FTCD: variants seen among roughly 807,000 people sequenced by gnomAD.
The protein encoded by FTCD is formimidoyltransferase cyclodeaminase.
In FTCD, 76 loss-of-function variants were observed where a neutral mutation model predicts 62.9. That is an observed-to-expected ratio of 1.21 (90% CI 1.00 to 1.46). The LOEUF is 1.46. Among genes scored for constraint, FTCD ranks in the 40% most tolerant of loss-of-function variants. FTCD has a pLI of 0.00. For missense variants in FTCD, 845 were observed against 751.3 expected (o/e 1.12, Z -1.46); for synonymous variants, 397 against 336.9 (o/e 1.18, Z -1.95).
chr21:46,153,968 G>A (rs1334113292), intron 2 of FTCD, among the ~76,000 whole-genome samples, 181 bp downstream of exon 2: 1 of 152,166 alleles, frequency 6.6e-6, no homozygotes, highest in Non-Finnish European at 1.5e-5. Flanking sequence ...AGCCCTGCAG[G>A]CAGGATGGGG....
intron 13 of FTCD, 73 bp from the exon 14 acceptor site, chr21:46,137,146 C>G: frequency 6.3e-7 from 1 of 1,595,694 alleles, no homozygotes; most frequent in Non-Finnish European, 8.6e-7. Context: ...CAACCTCCGA[C>G]CCCCACTGCC....
At position 46,155,549 on chromosome 21, in the gene FTCD, C is replaced by G. The variant is rs371639917; in HGVS notation, c.-26G>C. ...GGCCAGCACCTTGATCCAGATGCTCCTCTCTGGGCAGATGGAAGGACAGGG... is the reference window on the plus strand; with the variant it reads ...GGCCAGCACCTTGATCCAGATGCTCGTCTCTGGGCAGATGGAAGGACAGGG... On this transcript the variant is annotated 5_prime_UTR_variant, in exon 1 of 14. Transcript: ENST00000397746. The G allele has an allele frequency of 1.9e-6, 3 of 1,603,556 alleles. No homozygotes were observed. The highest frequency in any genetic ancestry group is 2.7e-5 in the African/African-American group (2 of 74,772).
rs1271094452 is a variant in FTCD at position 46,145,536 on chromosome 21, G to A, written c.1141C>T (p.Arg381Trp). Residue 381 changes from arginine (R) to tryptophan (W), a missense_variant, in exon 10 of 14, where the codon CGG becomes TGG. Arg to Trp is a moderately radical substitution (Grantham distance 101, BLOSUM62 -3). Transcript: ENST00000397746. ...GTGTCCAGGGACTGGAATTGGCGCC[G>A]CCCGTAGGTCATGAGGCCCACCATG... ...GSMVGLMTYG[R>W]RQFQSLDTTM... The A allele has an allele frequency of 1.3e-6, 2 of 1,546,478 alleles. No individual in the cohort carries two copies. Among genetic ancestry groups the A allele is most frequent in the Non-Finnish European group, 1.7e-6 (2 of 1,145,326 alleles).
rs989674525 is a variant in FTCD at position 46,146,666 on chromosome 21, C to T, written c.907-339G>A. ...TTCGCCGCCCCCCAGCACCACTGCC[C>T]CATCGCTGACGGGCGGGAAAGATTT... On this transcript the variant is annotated intron_variant, in intron 7 of 13. Transcript: ENST00000397746. 3 of 429,334 alleles carry T rather than the reference C, an allele frequency of 7.0e-6. No individual in the cohort carries two copies. The Admixed American group carries it at 1.1e-4, about 16-fold the overall frequency. 26.6% of individuals were successfully genotyped at this position (429,334 alleles called of 1,614,324 possible).
Position 46,145,830 on chromosome 21 carries a change from G to T in FTCD, c.1086C>A (p.Ala362=). The change falls in exon 9 of 14, where the codon GCC becomes GCA. Residue 362 remains alanine (A), a synonymous_variant. Coordinates refer to ENST00000397746, the MANE Select transcript of FTCD (RefSeq NM_206965.2). ...AAPGGGSVAA[A]AAAMGAALGS... is the part of the protein sequence containing the mutation. ...CCCCCGCGCTCACCATGGCCGCAGC[G>T]GCCGCCGCCACCGAGCCGCCCCCGG... 1.2e-6 allele frequency: 1 copy of T among 808,696 alleles called. No individual in the cohort carries two copies. Among genetic ancestry groups the T allele is most frequent in the Non-Finnish European group, 1.4e-6 (1 of 708,468 alleles). 50.1% of individuals were successfully genotyped at this position (808,696 alleles called of 1,614,324 possible).
At chr21:46,152,883 A>AG (rs756836923) in intron 3 of FTCD, 24 bp downstream of exon 3, 40 of 745,876 alleles carry the variant, frequency 5.4e-5, no homozygotes, top group Admixed American at 2.2e-4. Context: ...GAGCAGAGTG[A>AG]GGGGGGCGGG....
intron 12 of FTCD, among the ~76,000 whole-genome samples, chr21:46,138,193 A>T (rs950106561): frequency 1.3e-5 from 2 of 152,142 alleles, no homozygotes; most frequent in Non-Finnish European, 2.9e-5. Context: ...GCCTGGGCTG[A>T]CATAGGTGTT....
At chr21:46,154,674 C>A (rs1184253966) in intron 1 of FTCD, among the ~76,000 whole-genome samples, 1 of 152,236 alleles carries the variant, frequency 6.6e-6, no homozygotes, top group African/African-American at 2.4e-5. Context: ...CACAGAGGGG[C>A]CGGGACCCCC....
intron 7 of FTCD, among the ~76,000 whole-genome samples, chr21:46,147,721 G>A (rs951583750): frequency 5.3e-5 from 8 of 151,526 alleles, no homozygotes; most frequent in Non-Finnish European, 7.4e-5. Flanking sequence ...GACGGATCAC[G>A]AGGTCAGGAG....
chr21:46,136,304 C>G, downstream of FTCD: 3 of 718,496 alleles, frequency 4.2e-6, no homozygotes, highest in Non-Finnish European at 7.1e-6. Flanking sequence ...TCTCTGGAGA[C>G]AGGAGGCTGG....
chr21:46,151,743 A>G lies in FTCD; in HGVS notation c.457-6T>C. 4 of 1,612,650 alleles carry G rather than the reference A, an allele frequency of 2.5e-6. No homozygotes were observed. The highest frequency in any genetic ancestry group is 3.4e-6 in the Non-Finnish European group (4 of 1,179,926). On this transcript the variant is annotated splice_polypyrimidine_tract_variant and splice_region_variant and intron_variant, in intron 4 of 13. Coordinates refer to ENST00000397746, the MANE Select transcript of FTCD (RefSeq NM_206965.2). ...GCCCAGTCGGCCTGCTGGAGCTGTG[A>G]GCAAGTTCGCTCTGGGGTGAGACAT...
downstream of FTCD, chr21:46,136,575 C>T: frequency 6.4e-7 from 1 of 1,562,634 alleles, no homozygotes; most frequent in Non-Finnish European, 8.7e-7. Flanking sequence ...AACCCCAGGT[C>T]CTCTGAATAC....
chr21:46,150,276 C>T, intron 6 of FTCD, 26 bp from the exon 7 acceptor site: 2 of 1,608,754 alleles, frequency 1.2e-6, no homozygotes, highest in Non-Finnish European at 1.7e-6. Context: ...CAGCGTCACC[C>T]CCTGGGGGCT....
chr21:46,138,654 G>A lies in FTCD; in HGVS notation c.1305-8C>T, dbSNP rs770268971. Reference sequence around the variant, plus strand: ...TGTAGGGCCGCCGTGCGCCTGAAAGGAGCAAGAGGAGAGCCTGAGCACAGC... The same window carrying A: ...TGTAGGGCCGCCGTGCGCCTGAAAGAAGCAAGAGGAGAGCCTGAGCACAGC... On this transcript the variant is annotated splice_region_variant and splice_polypyrimidine_tract_variant and intron_variant, in intron 11 of 13. Coordinates refer to ENST00000397746, the MANE Select transcript of FTCD (RefSeq NM_206965.2). 8 of 1,596,140 alleles carry A rather than the reference G, an allele frequency of 5.0e-6. No homozygotes were observed. Among genetic ancestry groups the A allele is most frequent in the South Asian group, 1.1e-5 (1 of 90,560 alleles).
chr21:46,139,020 C>G (rs2123484443), intron 10 of FTCD, 97 bp from the exon 11 acceptor site: 1 of 922,644 alleles, frequency 1.1e-6, no homozygotes, highest in Non-Finnish European at 1.8e-6. Context: ...GAGCATGTCC[C>G]AGGCAGGGAC....
rs376733737 is a variant in FTCD at position 46,153,051 on chromosome 21, G to A, written c.239-16C>T. On this transcript the variant is annotated splice_polypyrimidine_tract_variant and intron_variant, in intron 2 of 13. Transcript: ENST00000397746. Reference sequence around the variant, plus strand: ...GGGTGCTCTCCTGCAGAGAGACGGCGAGGCCGGGCAGGAGGCCAGGTGTGG... The same window carrying A: ...GGGTGCTCTCCTGCAGAGAGACGGCAAGGCCGGGCAGGAGGCCAGGTGTGG... 5.2e-4 allele frequency: 800 copies of A among 1,544,488 alleles called. 2 individuals carry two copies. The highest frequency in any genetic ancestry group is 4.9e-4 in the Non-Finnish European group (558 of 1,145,276).
intron 10 of FTCD, among the ~76,000 whole-genome samples, chr21:46,141,127 CTA>C (rs908935778): frequency 8.5e-5 from 12 of 140,468 alleles, no homozygotes; most frequent in Non-Finnish European, 9.5e-5. Context: ...AAAATTGTTC[CTA>C]TGTTTTATAT....
intron 2 of FTCD, 119 bp downstream of exon 2, chr21:46,154,030 A>G (rs2123583408): frequency 9.7e-7 from 1 of 1,035,000 alleles, no homozygotes; most frequent in South Asian, 1.3e-5. Flanking sequence ...AGCCAGCCCC[A>G]CTGGACCCCA....
chr21:46,150,626 A>AG, intron 5 of FTCD, 101 bp from the exon 6 acceptor site: 1 of 1,230,172 alleles, frequency 8.1e-7, no homozygotes, highest in Non-Finnish European at 1.2e-6. Context: ...GACGGGGAGG[A>AG]GCCTGTGCCT....
Sources: allele counts gnomAD v4.1 joint callset (sites outside exome capture counted in the v4.1 genomes callset), GRCh38; gene constraint gnomAD v4.1.1; transcripts MANE v1.5; gene names NCBI Gene and HGNC (gene_info 2026-07-23, HGNC 2026-07-21).